The following RBM19 variants were observed in gnomAD, a reference collection of about 807,000 sequenced individuals.
RBM19 encodes the protein probable RNA-binding protein 19.
Under a neutral mutation model 116.8 loss-of-function variants are expected in RBM19, and 94 were observed. The observed-to-expected ratio is 0.80, with a 90% CI of 0.68 to 0.95. The LOEUF is 0.95. Ranked by LOEUF, RBM19 falls within the 40% of genes least tolerant of loss-of-function variation. The probability of loss-of-function intolerance (pLI) is 0.00; values close to 1 mark genes in which losing one functional copy is unlikely to be tolerated. For synonymous variants in RBM19, 475 were observed against 494.1 expected (o/e 0.96, Z 0.51); for missense variants, 1,161 against 1,220.7 (o/e 0.95, Z 0.73).
chr12:113,955,065 C>G, intron 7 of RBM19, 66 bp downstream of exon 7: 2 of 1,532,788 alleles, frequency 1.3e-6, no homozygotes, highest in South Asian at 2.2e-5. Flanking sequence ...CCAAAGGCTC[C>G]TGGCCTCCCC....
chr12:113,951,031 C>T (rs1270735769), intron 8 of RBM19, among the ~76,000 whole-genome samples: 1 of 152,166 alleles, frequency 6.6e-6, no homozygotes, highest in Non-Finnish European at 1.5e-5. Flanking sequence ...CTGCTCTAAG[C>T]TCCCAGGGGC....
At chr12:113,938,662 T>C (rs1459990458) in intron 15 of RBM19, among the ~76,000 whole-genome samples, 1 of 152,218 alleles carries the variant, frequency 6.6e-6, no homozygotes, top group Non-Finnish European at 1.5e-5. Flanking sequence ...GATTTTGAGA[T>C]GAGATCATCT....
intron 18 of RBM19, among the ~76,000 whole-genome samples, chr12:113,924,243 G>A (rs989525029): frequency 1.3e-5 from 2 of 152,134 alleles, no homozygotes; most frequent in Non-Finnish European, 2.9e-5. Flanking sequence ...TTAATGACTC[G>A]GTAGAACGTT....
rs1160320714 is a variant in RBM19, at chr12:113,952,580, A to C, written c.932T>G (p.Met311Arg). ...TGGTTTCAGGGGTGCCAGGAATTCC[A>C]TAACATTTTTCTGTGAGAAGAAGTT... The part of the protein sequence containing the change: ...APFNVTEKNV[M>R]EFLAPLKPVA... Residue 311 changes from methionine to arginine, a missense_variant, in exon 8 of 24, where the codon ATG becomes AGG. Transcript: ENST00000261741. 6.2e-7 allele frequency: 1 copy of C among 1,613,866 alleles called. No homozygotes were observed. Among genetic ancestry groups the C allele is most frequent in the Admixed American group, 1.7e-5 (1 of 60,000 alleles).
At chr12:113,906,666 T>C (rs1053033941) in intron 21 of RBM19, among the ~76,000 whole-genome samples, 1 of 152,122 alleles carries the variant, frequency 6.6e-6, no homozygotes, top group Admixed American at 6.6e-5. Flanking sequence ...CGGCATTTAC[T>C]GTCTCTGGAT....
intron 16 of RBM19, among the ~76,000 whole-genome samples, chr12:113,930,496 T>C (rs932045213): frequency 1.3e-5 from 2 of 152,208 alleles, no homozygotes; most frequent in African/African-American, 4.8e-5. Flanking sequence ...TCAGCTGCCC[T>C]TAGCCCCAGC....
intron 21 of RBM19, among the ~76,000 whole-genome samples, chr12:113,884,120 A>AAAAAAAC (rs1555235361): frequency 4.8e-5 from 7 of 145,764 alleles, no homozygotes; most frequent in South Asian, 2.2e-4. Flanking sequence ...ACCAAAAAAA[A>AAAAAAAC]AAAAAAACAA....
At chr12:113,841,335 G>C (rs1285686243) in intron 23 of RBM19, among the ~76,000 whole-genome samples, 1 of 152,060 alleles carries the variant, frequency 6.6e-6, no homozygotes, top group African/African-American at 2.4e-5. Flanking sequence ...TCATGGTCCC[G>C]ATGAGTTAGA....
chr12:113,956,399 G>A lies in RBM19; in HGVS notation c.841-1188C>T, dbSNP rs183228727. On this transcript the variant is annotated intron_variant, in intron 6 of 23. Transcript: ENST00000261741. ...AGCTCAAGATCAGCCTGGACAATAT[G>A]GTGAAACTCCATCTCTACTAAAAAT... 3.1e-3 allele frequency among the ~76,000 whole-genome samples: 470 copies of A among 151,968 alleles called. 4 individuals are homozygous for A. Among genetic ancestry groups the A allele is most frequent in the African/African-American group, 0.01 (422 of 41,404 alleles).
At chr12:113,935,476 G>C (rs184398605) in intron 16 of RBM19, among the ~76,000 whole-genome samples, 7 of 152,332 alleles carry the variant, frequency 4.6e-5, no homozygotes, top group Admixed American at 6.5e-5. Context: ...ACTGAGTGGA[G>C]AGAGCTTAAC....
intron 23 of RBM19, among the ~76,000 whole-genome samples, chr12:113,838,570 A>G (rs1407795299): frequency 3.3e-5 from 5 of 152,172 alleles, no homozygotes; most frequent in African/African-American, 1.2e-4. Flanking sequence ...TTTTCTTATC[A>G]ATTATGATAA....
intron 21 of RBM19, among the ~76,000 whole-genome samples, chr12:113,894,847 T>G (rs906305332): frequency 1.3e-4 from 20 of 152,338 alleles, no homozygotes; most frequent in African/African-American, 4.6e-4. Context: ...CACACCCTTG[T>G]GCGACGACAC....
chr12:113,904,404 G>A (rs1881911884), intron 21 of RBM19, among the ~76,000 whole-genome samples: 1 of 152,164 alleles, frequency 6.6e-6, no homozygotes, highest in Non-Finnish European at 1.5e-5. Context: ...ATACGGCTTT[G>A]CCACTTGTGC....
intron 21 of RBM19, among the ~76,000 whole-genome samples, chr12:113,887,464 C>T (rs1027883568): frequency 6.6e-6 from 1 of 151,660 alleles, no homozygotes; most frequent in African/African-American, 2.4e-5. Context: ...AGTGAAACCC[C>T]GTCTCTGCTA....
chr12:113,859,392 G>A (rs945566636), intron 21 of RBM19, among the ~76,000 whole-genome samples: 1 of 152,214 alleles, frequency 6.6e-6, no homozygotes, highest in Non-Finnish European at 1.5e-5. Flanking sequence ...CAAATGGGAT[G>A]GGGCCCTTTC....
intron 21 of RBM19, among the ~76,000 whole-genome samples, chr12:113,888,776 C>T (rs1179347677): frequency 1.3e-5 from 2 of 152,144 alleles, no homozygotes; most frequent in African/African-American, 2.4e-5. Context: ...GTCTTCATCT[C>T]TCAAATGGAG....
At chr12:113,843,398 G>A (rs549033512) in intron 23 of RBM19, among the ~76,000 whole-genome samples, 6 of 152,164 alleles carry the variant, frequency 3.9e-5, no homozygotes, top group Non-Finnish European at 5.9e-5. Flanking sequence ...GGACCCAGGC[G>A]ACAATGAGGT....
intron 21 of RBM19, among the ~76,000 whole-genome samples, chr12:113,907,815 G>A (rs1010592369): frequency 4.6e-5 from 7 of 152,126 alleles, no homozygotes; most frequent in Admixed American, 1.3e-4. Context: ...CCAGAGCATC[G>A]ATATTTGGAA....
intron 18 of RBM19, 119 bp from the exon 19 acceptor site, chr12:113,920,809 CA>C (rs1868477463): frequency 3.5e-6 from 3 of 865,976 alleles, no homozygotes; most frequent in Non-Finnish European, 5.6e-6. Flanking sequence ...ATACCCCCTT[CA>C]TTCCCCCCAA....
Sources: gnomAD v4.1 joint callset for allele counts (sites outside exome capture counted in the v4.1 genomes callset) on GRCh38, gnomAD v4.1.1 for gene constraint, MANE v1.5 for transcripts, NCBI Gene and HGNC (gene_info 2026-07-23, HGNC 2026-07-21) for gene names.